The following PEAR1 variants were observed in gnomAD, a reference collection of about 807,000 sequenced individuals.
PEAR1 encodes platelet endothelial aggregation receptor 1, also known as multiple EGF-like domains protein 12.
PEAR1 carries 113 observed loss-of-function variants against 131.2 expected under a neutral mutation model. The observed-to-expected ratio is 0.86, with a 90% CI of 0.74 to 1.01. The LOEUF is 1.01. PEAR1 is among the 50% of genes least tolerant of loss of function. The pLI, the probability that PEAR1 is intolerant of heterozygous loss-of-function variation, is 0.00. For synonymous variants in PEAR1, 565 were observed against 523.3 expected (o/e 1.08, Z -1.09); for missense variants, 1,408 against 1,391.1 (o/e 1.01, Z -0.19).
At chr1:156,895,846 C>T (rs541017642) in intron 1 of PEAR1, among the ~76,000 whole-genome samples, 1 of 152,310 alleles carries the variant, frequency 6.6e-6, no homozygotes, top group Admixed American at 6.5e-5. Context: ...TTTGGGAGGC[C>T]AAGGTATGAG....
At chr1:156,905,857 AC>A (rs1225210590) in intron 4 of PEAR1, among the ~76,000 whole-genome samples, 1 of 149,234 alleles carries the variant, frequency 6.7e-6, no homozygotes, top group African/African-American at 2.5e-5. Flanking sequence ...TGCCCACTGC[AC>A]CCCCCTCCCA....
rs768885902 is a variant in PEAR1, at chr1:156,907,682, T to C, written c.717T>C (p.Gly239=). The C allele has an allele frequency of 1.2e-6, 2 of 1,613,770 alleles. No individual in the cohort carries two copies. The highest frequency in any genetic ancestry group is 2.2e-5 in the South Asian group (2 of 91,028). Residue 239 remains glycine, a synonymous_variant, in exon 7 of 23, where the codon GGT becomes GGC. Transcript: ENST00000292357. The part of the protein sequence containing the change: ...CPSTHSCQNG[G]VFQTPQGSCS... ...GCACCCATTCTTGCCAAAATGGAGG[T>C]GTCTTCCAAACCCCACAGGGCTCCT... is the stretch of plus-strand genomic sequence containing the variant.
chr1:156,910,254 T>C lies in PEAR1; in HGVS notation c.1699T>C (p.Cys567Arg). ...CACAGGTGCCCGCTGCCACCTGTCCTGCCCTGAGGGCTTATGGGGAGTCAA... is the reference window on the plus strand; with the variant it reads ...CACAGGTGCCCGCTGCCACCTGTCCCGCCCTGAGGGCTTATGGGGAGTCAA... ...GWMGARCHLS[C>R]PEGLWGVNCS... Residue 567 changes from cysteine (C) to arginine (R), a missense_variant, in exon 14 of 23, where the codon TGC becomes CGC. Cys to Arg is a radical substitution (Grantham distance 180). Transcript: ENST00000292357. 3 of 1,612,660 alleles carry C rather than the reference T, an allele frequency of 1.9e-6. No individual in the cohort carries two copies. Among genetic ancestry groups the C allele is most frequent in the Non-Finnish European group, 2.5e-6 (3 of 1,179,246 alleles).
At position 156,913,882 on chromosome 1, in the gene PEAR1, G is replaced by C. The variant is rs768378770; in HGVS notation, c.2744G>C (p.Ser915Thr). Residue 915 changes from serine (S) to threonine (T), a missense_variant, in exon 22 of 23, where the codon AGT (serine) becomes ACT (threonine). Transcript: ENST00000292357. ...ATCTCTGAAGAGGAGCTCGGGGCCA[G>C]TGTGGCTTCCCTGAGCAGTGAGAAC... is the stretch of plus-strand genomic sequence containing the variant. ...GLISEEELGA[S>T]VASLSSENPY... The C allele has an allele frequency of 1.9e-6, 3 of 1,613,854 alleles. No individual in the cohort carries two copies.
intron 1 of PEAR1, among the ~76,000 whole-genome samples, chr1:156,897,038 C>T (rs937954810): frequency 2.0e-5 from 3 of 152,356 alleles, no homozygotes; most frequent in African/African-American, 4.8e-5. Context: ...GAGCATCTCT[C>T]CCTCTCTCCC....
intron 1 of PEAR1, among the ~76,000 whole-genome samples, chr1:156,894,769 G>T (rs1648998126): frequency 6.6e-6 from 1 of 152,174 alleles, no homozygotes; most frequent in Non-Finnish European, 1.5e-5. Flanking sequence ...TGTGACCCTA[G>T]TCCCCGGGGA....
Position 156,910,075 on chromosome 1 carries a change from C to G in PEAR1, c.1645C>G (p.His549Asp). 6.2e-7 allele frequency: 1 copy of G among 1,614,178 alleles called. No individual in the cohort carries two copies. The change falls in exon 13 of 23, where the codon CAT becomes GAT. Residue 549 changes from histidine (H) to aspartate (D), a missense_variant. Transcript: ENST00000292357. ...CCACTCTGATGGCTGTGACCCTGTT[C>G]ATGGACGCTGTCAGTGCCAGGCTGG... ...CDHSDGCDPV[H>D]GRCQCQAGWM... is the part of the protein sequence containing the mutation.
intron 13 of PEAR1, 28 bp downstream of exon 13, chr1:156,910,136 T>G (rs1173761229): frequency 1.2e-6 from 2 of 1,613,724 alleles, no homozygotes; most frequent in Non-Finnish European, 1.7e-6. Flanking sequence ...CCAGGCCTAC[T>G]GTGGATTGGG....
Position 156,912,658 on chromosome 1 carries a change from CCCAGGGAACTGGGA to C in PEAR1, c.2209+39_2209+52del, listed in dbSNP as rs759231211. 1.9e-6 allele frequency: 3 copies of C among 1,609,582 alleles called. No homozygotes were observed. The South Asian group carries it at 3.3e-5, about 18-fold the overall frequency. On this transcript the variant is annotated intron_variant, in intron 17 of 22. Transcript: ENST00000292357. ...TGCCCTCTCCTTCCCACCCATTGTC[CCCAGGGAACTGGGA>C]CCTAGGCCCCTCATACAGTCCCTAC...
At position 156,910,270 on chromosome 1, in the gene PEAR1, G is replaced by A; in HGVS notation, c.1715G>A (p.Trp572Ter). The stretch of plus-strand genomic sequence containing the variant: ...CACCTGTCCTGCCCTGAGGGCTTAT[G>A]GGGAGTCAACTGTAGCAACACCTGC... ...RCHLSCPEGLWGVNCSNTCTC... is the reference protein window; with the variant it reads ...RCHLSCPEGL Residue 572 changes from tryptophan (W) to a stop codon, truncating the protein, a stop_gained, in exon 14 of 23, where the codon TGG becomes TAG. Transcript: ENST00000292357. LOFTEE classifies it high-confidence loss of function. 6.2e-7 allele frequency: 1 copy of A among 1,613,334 alleles called. No individual in the cohort carries two copies.
chr1:156,913,349 G>C, intron 19 of PEAR1, 42 bp from the exon 20 acceptor site: 1 of 1,606,546 alleles, frequency 6.2e-7, no homozygotes, highest in Non-Finnish European at 8.5e-7. Flanking sequence ...GGAAAGCCCT[G>C]TCCTTGCCTC....
In PEAR1 at chr1:156,907,608, A is replaced by C. The variant is rs1229803091; in HGVS notation, c.645-2A>C. 1 of 1,610,092 alleles carries C rather than the reference A, an allele frequency of 6.2e-7. No individual in the cohort carries two copies. The highest frequency in any genetic ancestry group is 8.5e-7 in the Non-Finnish European group (1 of 1,178,278). ...ATTGACTCCACCCACTCTGTCCTGCAGCTGTGACGTGTCCTGTTCCCAGGG... is the reference window on the plus strand; with the variant it reads ...ATTGACTCCACCCACTCTGTCCTGCCGCTGTGACGTGTCCTGTTCCCAGGG... On this transcript the variant is annotated splice_acceptor_variant, in intron 6 of 22. Transcript: ENST00000292357. LOFTEE classifies it high-confidence loss of function.
In PEAR1 at chr1:156,915,011, C is replaced by A. The variant is rs888535684; in HGVS notation, c.*213C>A. 1 of 556,564 alleles carries A rather than the reference C, an allele frequency of 1.8e-6. No homozygotes were observed. Among genetic ancestry groups the A allele is most frequent in the Non-Finnish European group, 3.0e-6 (1 of 330,314 alleles). 34.5% of individuals were successfully genotyped at this position (556,564 alleles called of 1,614,324 possible). A position where few individuals can be genotyped will look rare whatever the true frequency, so the allele number is the denominator to read the frequency against. On this transcript the variant is annotated 3_prime_UTR_variant, in exon 23 of 23. Transcript: ENST00000292357. ...GGATGCCTGGCTCCCTTTCCCAACCCACTGCTCCCAAGGCCTCCAGGGCCC... is the reference window on the plus strand; with the variant it reads ...GGATGCCTGGCTCCCTTTCCCAACCAACTGCTCCCAAGGCCTCCAGGGCCC...
chr1:156,910,091 G>A lies in PEAR1; in HGVS notation c.1661G>A (p.Cys554Tyr), dbSNP rs887862786. The A allele has an allele frequency of 1.9e-5, 30 of 1,614,178 alleles. No individual in the cohort carries two copies. The highest frequency in any genetic ancestry group is 2.5e-5 in the Non-Finnish European group (29 of 1,180,018). The stretch of plus-strand genomic sequence containing the variant: ...GACCCTGTTCATGGACGCTGTCAGT[G>A]CCAGGCTGGCTGGATGGGTGAGCAT... ...GCDPVHGRCQCQAGWMGARCH... is the reference protein window; with the variant it reads ...GCDPVHGRCQYQAGWMGARCH... Residue 554 changes from cysteine to tyrosine, a missense_variant, in exon 13 of 23, where the codon TGC (cysteine) becomes TAC (tyrosine). Physicochemically the swap from Cys to Tyr is radical, Grantham distance 194 (BLOSUM62 -2). Coordinates refer to ENST00000292357, the MANE Select transcript of PEAR1 (RefSeq NM_001080471.3).
rs138815244 is a variant in PEAR1 at position 156,913,874 on chromosome 1, C to T, written c.2736C>T (p.Leu912=). Residue 912 remains leucine, a synonymous_variant, in exon 22 of 23, where the codon CTC becomes CTT. Transcript: ENST00000292357. ...YNKGLISEEE[L]GASVASLSSE... ...TAGGGCTCATCTCTGAAGAGGAGCT[C>T]GGGGCCAGTGTGGCTTCCCTGAGCA... 31 of 1,613,568 alleles carry T rather than the reference C, an allele frequency of 1.9e-5. No homozygotes were observed. Among genetic ancestry groups the T allele is most frequent in the African/African-American group, 1.5e-4 (11 of 75,022 alleles).
intron 1 of PEAR1, among the ~76,000 whole-genome samples, chr1:156,898,387 GCGCACTCTGGC>G (rs1447371763): frequency 2.6e-5 from 4 of 152,110 alleles, no homozygotes; most frequent in Non-Finnish European, 5.9e-5. Flanking sequence ...CCAGCCTCTG[GCGCACTCTGGC>G]CGCATACGCA....
chr1:156,894,757 G>A (rs1326811679), intron 1 of PEAR1, among the ~76,000 whole-genome samples: 1 of 152,180 alleles, frequency 6.6e-6, no homozygotes, highest in Admixed American at 6.5e-5. Context: ...CTGGGGCTGG[G>A]CTGTGACCCT....
rs71681254 is a variant in PEAR1 at position 156,911,037 on chromosome 1, TTTTCTTTCTTTCTTTCTTTCTTTC to T, written c.1951+327_1951+350del. Among the ~76,000 whole-genome samples, 104 of 113,334 alleles carry T rather than the reference TTTTCTTTCTTTCTTTCTTTCTTTC, an allele frequency of 9.2e-4. 1 individual carries two copies. The highest frequency in any genetic ancestry group is 2.6e-3 in the Admixed American group (28 of 10,796). 74.4% of individuals were successfully genotyped at this position (113,334 alleles called of 152,430 possible). On this transcript the variant is annotated intron_variant, in intron 15 of 22. Transcript: ENST00000292357. ...CTTGGGACATTTTCTCTTGATTTCT[TTTTCTTTCTTTCTTTCTTTCTTTC>T]TTTCTTTCTTTCTTTCTTTCTTTCT...
At chr1:156,905,068 T>G in intron 3 of PEAR1, 1 of 1,279,908 alleles carries the variant, frequency 7.8e-7, no homozygotes, top group Non-Finnish European at 1.1e-6. Context: ...TGTTACAGTA[T>G]ATGCCTGTGG....
Sources: gnomAD v4.1 joint callset for allele counts (sites outside exome capture counted in the v4.1 genomes callset) on GRCh38, gnomAD v4.1.1 for gene constraint, MANE v1.5 for transcripts, NCBI Gene and HGNC (gene_info 2026-07-23, HGNC 2026-07-21) for gene names.